Variants in FAAH2 observed in about 807,000 individuals in gnomAD.
FAAH2 encodes fatty-acid amide hydrolase 2.
Under a neutral mutation model 36.9 loss-of-function variants are expected in FAAH2, and 60 were observed. That is an observed-to-expected ratio of 1.63 (90% CI 1.32 to 2.02). The LOEUF (loss-of-function observed/expected upper bound fraction) is 2.02. FAAH2 is among the 30% of genes most tolerant of loss of function. FAAH2 has a pLI of 0.00. For missense variants in FAAH2, 689 were observed against 397.5 expected, an observed-to-expected ratio of 1.73 and a Z score of -6.23; for synonymous variants, 214 against 143.8, an observed-to-expected ratio of 1.49 and a Z score of -3.49.
chrX:57,150,916 G>T, the FAAH2 span, among the ~76,000 whole-genome samples: 1 of 112,050 alleles, frequency 8.9e-6, no homozygotes, highest in African/African-American at 3.2e-5. Context: ...TCCTTTCCAT[G>T]TTTAGTGCTT....
intron 7 of FAAH2, among the ~76,000 whole-genome samples, chrX:57,389,485 T>A (rs2147262044): frequency 9.2e-6 from 1 of 109,280 alleles, no homozygotes; most frequent in East Asian, 2.9e-4. Context: ...TTTGTTTTTC[T>A]GTGTCTGGTT....
chrX:57,193,051 A>C, the FAAH2 span, among the ~76,000 whole-genome samples: 1 of 112,350 alleles, frequency 8.9e-6, no homozygotes, highest in African/African-American at 3.2e-5. Flanking sequence ...AACAAGAGAG[A>C]TAACCTTAAA....
intron 3 of FAAH2, among the ~76,000 whole-genome samples, 165 bp downstream of exon 3, chrX:57,310,894 TG>T (rs1435697845): frequency 8.9e-6 from 1 of 112,171 alleles, no homozygotes; most frequent in Non-Finnish European, 1.9e-5. Context: ...GGAAAATAAA[TG>T]ATAATGGTCA....
At chrX:57,402,917 T>C (rs1468416597) in intron 7 of FAAH2, among the ~76,000 whole-genome samples, 1 of 111,887 alleles carries the variant, frequency 8.9e-6, no homozygotes, top group Non-Finnish European at 1.9e-5. Context: ...ATACCAGAGA[T>C]TGACAAACTC....
chrX:57,187,777 G>A, the FAAH2 span, among the ~76,000 whole-genome samples: 1 of 111,248 alleles, frequency 9.0e-6, no homozygotes, highest in African/African-American at 3.3e-5. Context: ...TAGCATGAAG[G>A]GGTATTGAAT....
chrX:57,219,002 G>A, the FAAH2 span, among the ~76,000 whole-genome samples: 17 of 111,973 alleles, frequency 1.5e-4, no homozygotes, highest in Non-Finnish European at 2.1e-4. Context: ...GTCCCAAGGC[G>A]CAAGGCCACT....
rs980517086 is a variant in FAAH2, at chrX:57,311,322, A to T, written c.412+593A>T. On this transcript the variant is annotated intron_variant, in intron 3 of 10. Transcript: ENST00000374900. ...TTTCAGTGAATATACATGAAAAGAA[A>T]GATTTAAAATCAGTAACTGAAGCCT... 6.8e-4 allele frequency among the ~76,000 whole-genome samples: 77 copies of T among 112,691 alleles called. No individual in the cohort carries two copies. The Middle Eastern group carries it at 0.014, about 20-fold the overall frequency.
chrX:57,379,131 C>T (rs766979918), intron 6 of FAAH2, among the ~76,000 whole-genome samples: 21 of 111,736 alleles, frequency 1.9e-4, no homozygotes, highest in South Asian at 1.9e-3. Context: ...TACATACTTT[C>T]CAATCTCACC....
chrX:57,277,889 G>T, the FAAH2 span, among the ~76,000 whole-genome samples: 5 of 111,526 alleles, frequency 4.5e-5, no homozygotes, highest in Non-Finnish European at 9.4e-5. Flanking sequence ...CCTCTTCAAG[G>T]AGAACTACAA....
At chrX:57,182,985 A>G in the FAAH2 span, among the ~76,000 whole-genome samples, 1 of 110,661 alleles carries the variant, frequency 9.0e-6, no homozygotes, top group East Asian at 2.8e-4. Context: ...AGTGGAAGCT[A>G]AATGATGAGG....
chrX:57,137,463 C>T, the FAAH2 span: 4 of 495,670 alleles, frequency 8.1e-6, no homozygotes, highest in East Asian at 3.7e-4. Context: ...GGCGGCCACC[C>T]CTCAGCCACG....
intron 3 of FAAH2, among the ~76,000 whole-genome samples, chrX:57,311,853 A>T (rs1415830744): frequency 8.9e-6 from 1 of 112,011 alleles, no homozygotes; most frequent in Non-Finnish European, 1.9e-5. Flanking sequence ...AGTCCCAGCT[A>T]AGAGACAGTC....
At chrX:57,123,876 T>G in the FAAH2 span, among the ~76,000 whole-genome samples, 1 of 112,178 alleles carries the variant, frequency 8.9e-6, no homozygotes, top group Non-Finnish European at 1.9e-5. Context: ...TAAATTTGTT[T>G]GAGTTCATTG....
chrX:57,165,243 A>T, the FAAH2 span, among the ~76,000 whole-genome samples: 1 of 112,118 alleles, frequency 8.9e-6, no homozygotes, highest in African/African-American at 3.2e-5. Flanking sequence ...ACGCACATGT[A>T]TGTTTACTGC....
At chrX:57,470,586 G>A (rs1006853649) in intron 10 of FAAH2, among the ~76,000 whole-genome samples, 1 of 111,149 alleles carries the variant, frequency 9.0e-6, no homozygotes, top group Non-Finnish European at 1.9e-5. Context: ...AACAGGCTCT[G>A]AAATTGAGGC....
chrX:57,316,822 C>A (rs769847175), intron 3 of FAAH2, among the ~76,000 whole-genome samples: 1 of 110,834 alleles, frequency 9.0e-6, no homozygotes, highest in African/African-American at 3.3e-5. Flanking sequence ...TGTCTCCCCC[C>A]ACCGCCTCCA....
At position 57,401,503 on chromosome X, in the gene FAAH2, C is replaced by T. The variant is rs147119519; in HGVS notation, c.996+20474C>T. On this transcript the variant is annotated intron_variant, in intron 7 of 10. Transcript: ENST00000374900. ...GGTATAGCTGGATATAGAGGGACAA[C>T]GGCCTCATTGATAATCCTGAGATCT... Among the ~76,000 whole-genome samples, 959 of 111,645 alleles carry T rather than the reference C, an allele frequency of 8.6e-3. 5 individuals carry two copies. Among genetic ancestry groups the T allele is most frequent in the Admixed American group, 0.02 (208 of 10,562 alleles).
At chrX:57,428,956 G>A (rs1569338711) in intron 7 of FAAH2, among the ~76,000 whole-genome samples, 1 of 111,471 alleles carries the variant, frequency 9.0e-6, no homozygotes, top group Non-Finnish European at 1.9e-5. Flanking sequence ...CGTGCAGAAT[G>A]GAATAAACTA....
intron 10 of FAAH2, among the ~76,000 whole-genome samples, chrX:57,464,153 G>A (rs1306002598): frequency 9.0e-6 from 1 of 111,563 alleles, no homozygotes; most frequent in Non-Finnish European, 1.9e-5. Flanking sequence ...AACTAACACA[G>A]GAACAGAAAA....
Sources: gnomAD v4.1 joint callset for allele counts (sites outside exome capture counted in the v4.1 genomes callset) on GRCh38, gnomAD v4.1.1 for gene constraint, MANE v1.5 for transcripts, NCBI Gene and HGNC (gene_info 2026-07-23, HGNC 2026-07-21) for gene names.